The following HERC2 variants were observed in gnomAD, a reference collection of about 807,000 sequenced individuals.
The protein encoded by HERC2 is HECT and RLD domain containing E3 ubiquitin protein ligase 2.
A neutral mutation model predicts 537.7 loss-of-function variants in HERC2; 102 were observed. The observed-to-expected ratio is 0.19, with a 90% CI of 0.16 to 0.22. The LOEUF (loss-of-function observed/expected upper bound fraction) is 0.22. Among genes scored for constraint, HERC2 ranks in the 10% least tolerant of loss-of-function variants. The probability of loss-of-function intolerance (pLI) is 1.00; values close to 1 mark genes in which losing one functional copy is unlikely to be tolerated. For synonymous variants in HERC2, 2,224 were observed against 2,466.2 expected (o/e 0.90, Z 2.91); for missense variants, 4,236 against 6,198.2 (o/e 0.68, Z 10.63).
chr15:28,192,354 A>C (rs1010322109), intron 52 of HERC2, among the ~76,000 whole-genome samples: 1 of 152,228 alleles, frequency 6.6e-6, no homozygotes, highest in African/African-American at 2.4e-5. Flanking sequence ...TAATGCTATG[A>C]TTTATTCTAC....
intron 5 of HERC2, among the ~76,000 whole-genome samples, chr15:28,277,182 G>T (rs183389163): frequency 6.6e-6 from 1 of 152,308 alleles, no homozygotes; most frequent in South Asian, 2.1e-4. Flanking sequence ...TTAAGGTGGG[G>T]AGAGAAGACG....
At position 28,113,479 on chromosome 15, in the gene HERC2, C is replaced by T. The variant is rs1451258352; in HGVS notation, c.14019+94G>A. 2.5e-6 allele frequency: 3 copies of T among 1,206,716 alleles called. No individual in the cohort carries two copies. The highest frequency in any genetic ancestry group is 1.5e-5 in the African/African-American group (1 of 66,818). The allele number at this position is 1,206,716 out of a possible 1,614,324, so 74.8% of individuals were successfully genotyped here. A position where few individuals can be genotyped will look rare whatever the true frequency, so the allele number is the denominator to read the frequency against. ...GAGTGCACTCCCTTCAGTCAACACA[C>T]AGGGCAAGGTTCTGACTCTAACTGC... On this transcript the variant is annotated intron_variant, in intron 91 of 92. Coordinates refer to ENST00000261609, the MANE Select transcript of HERC2 (RefSeq NM_004667.6). This position sits in a 1 kb window ranked among gnomAD's most constrained non-coding sequence, Gnocchi z 7.0.
At position 28,245,660 on chromosome 15, in the gene HERC2, TAC is replaced by T. The variant is rs10594927; in HGVS notation, c.3577+219_3577+220del. Among the ~76,000 whole-genome samples, 434 of 150,404 alleles carry T rather than the reference TAC, an allele frequency of 2.9e-3. 3 individuals carry two copies. The highest frequency in any genetic ancestry group is 1.0e-2 in the African/African-American group (406 of 40,764). ...ACACATATATATACACACTCATATA[TAC>T]ACACACACACATACATAAACACACA... is the stretch of plus-strand genomic sequence containing the variant. On this transcript the variant is annotated intron_variant, in intron 23 of 92. Transcript: ENST00000261609.
intron 16 of HERC2, among the ~76,000 whole-genome samples, chr15:28,259,249 C>T (rs993607969): frequency 6.6e-6 from 1 of 152,048 alleles, no homozygotes. Flanking sequence ...CGCACATCAC[C>T]AAGCTCGACG....
rs189990971 is a variant in HERC2, at chr15:28,176,810, C to A, written c.9433-42G>T. 2 of 1,598,154 alleles carry A rather than the reference C, an allele frequency of 1.3e-6. No homozygotes were observed. Among genetic ancestry groups the A allele is most frequent in the Non-Finnish European group, 1.7e-6 (2 of 1,167,702 alleles). ...TTAAAAACAGAATCACGCACAGGCA[C>A]GGAGAAAGCAATGGATTTTCCCACA... is the stretch of plus-strand genomic sequence containing the variant. On this transcript the variant is annotated intron_variant, in intron 61 of 92. Transcript: ENST00000261609. This position sits in a 1 kb window ranked among gnomAD's most constrained non-coding sequence, Gnocchi z 5.0.
At chr15:28,275,224 A>G (rs529259854) in intron 5 of HERC2, among the ~76,000 whole-genome samples, 2 of 152,380 alleles carry the variant, frequency 1.3e-5, no homozygotes, top group South Asian at 2.1e-4. Context: ...AGAAATGTAT[A>G]AGGAATTTTA....
In HERC2 at chr15:28,240,036, A is replaced by G. The variant is rs113889502; in HGVS notation, c.3578-1264T>C. Among the ~76,000 whole-genome samples the G allele has an allele frequency of 1.4e-4, 21 of 147,150 alleles. No homozygotes were observed. In the East Asian group the frequency reaches 2.4e-3, roughly 17 times the overall value. ...GGAATCACTGTTAATCTTATAGACA[A>G]GATAATGATATTGTAGGGTTTTTTT... On this transcript the variant is annotated intron_variant, in intron 23 of 92. Transcript: ENST00000261609.
rs11340454 is a variant in HERC2 at position 28,249,815 on chromosome 15, C to CT, written c.3051-1080dup. Among the ~76,000 whole-genome samples the CT allele has an allele frequency of 4.9e-3, 653 of 134,342 alleles. 1 individual carries two copies. Among genetic ancestry groups the CT allele is most frequent in the African/African-American group, 7.9e-3 (291 of 36,822 alleles). The allele number at this position is 134,342 out of a possible 152,430, so 88.1% of individuals were successfully genotyped here. A position where few individuals can be genotyped will look rare whatever the true frequency, so the allele number is the denominator to read the frequency against. ...GGCACACGCCACCACGCCAAGCTAA[C>CT]TTTTTTTTTTTTTTTTTTTAAGTGG... On this transcript the variant is annotated intron_variant, in intron 20 of 92. Transcript: ENST00000261609.
intron 4 of HERC2, among the ~76,000 whole-genome samples, chr15:28,290,916 CAG>C (rs2076292536): frequency 6.6e-6 from 1 of 151,842 alleles, no homozygotes; most frequent in African/African-American, 2.4e-5. Flanking sequence ...CTAGGAAAGA[CAG>C]AAGAGCAAAT....
intron 83 of HERC2, among the ~76,000 whole-genome samples, chr15:28,125,433 C>A (rs1158979223): frequency 2.6e-5 from 4 of 152,172 alleles, no homozygotes; most frequent in Non-Finnish European, 5.9e-5. Flanking sequence ...CTCCACAGCC[C>A]CTGTTGGCCA....
chr15:28,185,233 T>C (rs1896197208), intron 56 of HERC2, among the ~76,000 whole-genome samples: 1 of 152,168 alleles, frequency 6.6e-6, no homozygotes, highest in East Asian at 2.0e-4. Context: ...CTTCTGTCTA[T>C]ATAACGTGCT....
chr15:28,318,323 C>T (rs1428708606), intron 2 of HERC2, among the ~76,000 whole-genome samples: 3 of 152,074 alleles, frequency 2.0e-5, no homozygotes, highest in African/African-American at 4.8e-5. Context: ...ACTCCACACA[C>T]CAAGCAGAAA....
chr15:28,191,951 T>G lies in HERC2; in HGVS notation c.8451+10A>C. On this transcript the variant is annotated intron_variant, in intron 53 of 92. Coordinates refer to ENST00000261609, the MANE Select transcript of HERC2 (RefSeq NM_004667.6). The stretch of plus-strand genomic sequence containing the variant: ...GAAAGTGCCCGCTGCTGTGCCCTAT[T>G]AGATGCTACCTTTCCTTGCGACCCC... The G allele has an allele frequency of 6.2e-7, 1 of 1,611,032 alleles. No homozygotes were observed. The highest frequency in any genetic ancestry group is 1.1e-5 in the South Asian group (1 of 90,972).
At chr15:28,226,600 T>C (rs545721367) in intron 35 of HERC2, among the ~76,000 whole-genome samples, 1 of 152,278 alleles carries the variant, frequency 6.6e-6, no homozygotes, top group East Asian at 1.9e-4. Context: ...AGAAATTACC[T>C]AAAAATGGAC....
chr15:28,175,478 T>C lies in HERC2; in HGVS notation c.9831+34A>G, dbSNP rs375249825. Reference sequence around the variant, plus strand: ...GACCCCCACGTCCCCCAAGTCAGGATGGCACGCCACCCCCAGGCCACCTGC... The same window carrying C: ...GACCCCCACGTCCCCCAAGTCAGGACGGCACGCCACCCCCAGGCCACCTGC... On this transcript the variant is annotated intron_variant, in intron 64 of 92. Transcript: ENST00000261609. 1.8e-5 allele frequency: 29 copies of C among 1,582,040 alleles called. No individual in the cohort carries two copies. The African/African-American group carries it at 3.6e-4, about 20-fold the overall frequency.
intron 65 of HERC2, 57 bp downstream of exon 65, chr15:28,174,338 T>C (rs1262843074): frequency 1.8e-5 from 21 of 1,175,756 alleles, no homozygotes; most frequent in Middle Eastern, 2.9e-4. Flanking sequence ...TAAATAAATC[T>C]ATAAGGTTGC....
At chr15:28,235,414 G>A (rs1005016380) in intron 26 of HERC2, among the ~76,000 whole-genome samples, 9 of 152,064 alleles carry the variant, frequency 5.9e-5, no homozygotes, top group Non-Finnish European at 1.3e-4. Context: ...CAAGCAATGA[G>A]CCTTGAGGAG....
chr15:28,307,527 A>G (rs1459343580), intron 2 of HERC2, among the ~76,000 whole-genome samples: 2 of 152,246 alleles, frequency 1.3e-5, no homozygotes, highest in African/African-American at 4.8e-5. Flanking sequence ...TATCCCACAG[A>G]TTTCGTATGC....
chr15:28,240,268 A>G (rs1902948643), intron 23 of HERC2, among the ~76,000 whole-genome samples: 1 of 152,140 alleles, frequency 6.6e-6, no homozygotes, highest in Non-Finnish European at 1.5e-5. Flanking sequence ...AATACAAAAA[A>G]TTAGCCGGGC....
Sources: allele counts gnomAD v4.1 joint callset (sites outside exome capture counted in the v4.1 genomes callset), GRCh38; gene constraint gnomAD v4.1.1; non-coding constraint Gnocchi (gnomAD v3.1); transcripts MANE v1.5; gene names NCBI Gene and HGNC (gene_info 2026-07-23, HGNC 2026-07-21).